SGCD: variants seen among roughly 807,000 people sequenced by gnomAD.
SGCD encodes sarcoglycan delta.
A neutral mutation model predicts 36.6 loss-of-function variants in SGCD; 18 were observed. That is an observed-to-expected ratio of 0.49 (90% CI 0.34 to 0.73). The LOEUF (loss-of-function observed/expected upper bound fraction) is 0.73. Ranked by LOEUF, SGCD falls within the 30% of genes least tolerant of loss-of-function variation. The probability of loss-of-function intolerance (pLI) is 0.01; values close to 1 mark genes in which losing one functional copy is unlikely to be tolerated. For missense variants in SGCD, 387 were observed against 346.7 expected (o/e 1.12, Z -0.92); for synonymous variants, 133 against 130.6 (o/e 1.02, Z -0.12).
chr5:156,126,827 T>C (rs888487162), intron 3 of SGCD, among the ~76,000 whole-genome samples: 10 of 152,224 alleles, frequency 6.6e-5, no homozygotes, highest in African/African-American at 2.4e-4. Flanking sequence ...GTTTAAAGTA[T>C]GTTTTCTAAG....
At chr5:156,178,632 T>C (rs1317518957) in intron 3 of SGCD, among the ~76,000 whole-genome samples, 2 of 152,206 alleles carry the variant, frequency 1.3e-5, no homozygotes, top group African/African-American at 2.4e-5. Flanking sequence ...GGCATTCTGA[T>C]GGAAGCAGAG....
chr5:156,032,278 G>A (rs1046746510), intron 1 of SGCD, among the ~76,000 whole-genome samples: 1 of 151,834 alleles, frequency 6.6e-6, no homozygotes, highest in African/African-American at 2.4e-5. Context: ...GTTTAGTTAG[G>A]CATCTAGAAA....
At chr5:156,375,987 A>G (rs1770647542) in intron 3 of SGCD, among the ~76,000 whole-genome samples, 1 of 152,308 alleles carries the variant, frequency 6.6e-6, no homozygotes, top group East Asian at 1.9e-4. Flanking sequence ...GATCTACATT[A>G]TTGATTTATC....
At chr5:155,987,892 A>G (rs577983238) in intron 1 of SGCD, among the ~76,000 whole-genome samples, 1 of 152,288 alleles carries the variant, frequency 6.6e-6, no homozygotes, top group South Asian at 2.1e-4. Context: ...TTCATATCCC[A>G]GTATGCTGAT....
intron 1 of SGCD, among the ~76,000 whole-genome samples, chr5:155,923,643 C>T (rs377490356): frequency 3.6e-4 from 55 of 152,226 alleles, no homozygotes; most frequent in African/African-American, 1.3e-3. Flanking sequence ...ATTGCATTTT[C>T]AATTAGAGTT....
chr5:155,767,991 T>C, the SGCD span, among the ~76,000 whole-genome samples: 1 of 152,188 alleles, frequency 6.6e-6, no homozygotes, highest in African/African-American at 2.4e-5. Flanking sequence ...GAGAGAATTT[T>C]ATACCTGTAA....
At chr5:156,702,109 A>C (rs1754550717) in intron 7 of SGCD, among the ~76,000 whole-genome samples, 1 of 152,214 alleles carries the variant, frequency 6.6e-6, no homozygotes, top group South Asian at 2.1e-4. Flanking sequence ...GTTCTTATCA[A>C]TCAGTTGAAA....
At chr5:156,378,941 G>C (rs972768285) in intron 3 of SGCD, among the ~76,000 whole-genome samples, 3 of 152,128 alleles carry the variant, frequency 2.0e-5, no homozygotes, top group East Asian at 1.9e-4. Context: ...TGCCTTTTAT[G>C]ATGAATCACT....
chr5:156,173,181 T>C (rs1763382163), intron 3 of SGCD, among the ~76,000 whole-genome samples: 1 of 152,130 alleles, frequency 6.6e-6, no homozygotes, highest in Non-Finnish European at 1.5e-5. Flanking sequence ...ATTTAGCTAA[T>C]GTGAATAGAT....
intron 1 of SGCD, among the ~76,000 whole-genome samples, chr5:155,938,706 T>C (rs976323056): frequency 4.6e-5 from 7 of 152,210 alleles, no homozygotes; most frequent in African/African-American, 1.7e-4. Context: ...ACTGAGCTAA[T>C]AGTTTTTCAT....
chr5:155,867,105 C>T (rs981043731), upstream of SGCD, among the ~76,000 whole-genome samples: 10 of 152,150 alleles, frequency 6.6e-5, no homozygotes, highest in Non-Finnish European at 1.3e-4. Context: ...AAGAGTCTGG[C>T]CTTGATTCAA....
intron 3 of SGCD, among the ~76,000 whole-genome samples, chr5:156,142,236 G>A (rs758046322): frequency 1.4e-4 from 21 of 152,160 alleles, no homozygotes; most frequent in Admixed American, 5.2e-4. Flanking sequence ...GGGCCTCCCC[G>A]GAAGCAGAAG....
rs549064480 is a variant in SGCD, at chr5:156,060,345, T to G, written c.-281-57533T>G. ...GATCAATAATATTACCTGATGAGAG[T>G]TGAACACTACAAGATTTCCCTGGAA... On this transcript the variant is annotated intron_variant, in intron 1 of 9. Coordinates refer to the SGCD transcript ENST00000517913. Among the ~76,000 whole-genome samples, 20 of 141,818 alleles carry G rather than the reference T, an allele frequency of 1.4e-4. No homozygotes were observed. In the East Asian group the frequency reaches 3.3e-3, roughly 23 times the overall value. The allele number at this position is 141,818 out of a possible 152,430, so 93.0% of individuals were successfully genotyped here.
chr5:156,759,213 T>A lies in SGCD; in HGVS notation c.700-4T>A. On this transcript the variant is annotated splice_region_variant and splice_polypyrimidine_tract_variant and intron_variant, in intron 8 of 8. Transcript: ENST00000337851. ...ATGCTTTCCTTCCTATTCTCTGTCT[T>A]TAGATTAAGTTAGATGCTGCGAAAA... The A allele has an allele frequency of 6.2e-7, 1 of 1,612,182 alleles. No homozygotes were observed. The highest frequency in any genetic ancestry group is 8.5e-7 in the Non-Finnish European group (1 of 1,178,398).
chr5:155,799,347 C>A, the SGCD span, among the ~76,000 whole-genome samples: 1 of 151,822 alleles, frequency 6.6e-6, no homozygotes, highest in Non-Finnish European at 1.5e-5. Flanking sequence ...GAGCCACAAC[C>A]AAAATGCATT....
At chr5:156,259,044 G>T (rs1396273839) in intron 3 of SGCD, among the ~76,000 whole-genome samples, 1 of 151,908 alleles carries the variant, frequency 6.6e-6, no homozygotes, top group East Asian at 1.9e-4. Flanking sequence ...TCTTCAGAGT[G>T]ATTTTACAAT....
chr5:156,407,773 T>C (rs1324772197), intron 3 of SGCD, among the ~76,000 whole-genome samples: 1 of 152,026 alleles, frequency 6.6e-6, no homozygotes. Context: ...CACAGGTATA[T>C]GATTGTTATT....
chr5:155,907,519 A>C (rs560187356), intron 1 of SGCD, among the ~76,000 whole-genome samples: 31 of 152,258 alleles, frequency 2.0e-4, no homozygotes, highest in Admixed American at 8.5e-4. Context: ...AATGTTAGTA[A>C]GAGTTTGGAA....
At chr5:156,373,256 T>C (rs536410504) in intron 3 of SGCD, among the ~76,000 whole-genome samples, 2 of 152,346 alleles carry the variant, frequency 1.3e-5, no homozygotes, top group South Asian at 2.1e-4. Flanking sequence ...TTCGACTTCT[T>C]CTTTTTCTGT....
Sources: allele counts gnomAD v4.1 joint callset (sites outside exome capture counted in the v4.1 genomes callset), GRCh38; gene constraint gnomAD v4.1.1; transcripts MANE v1.5; gene names NCBI Gene and HGNC (gene_info 2026-07-23, HGNC 2026-07-21).